AXDND1: variants seen among roughly 807,000 people sequenced by gnomAD.
The protein encoded by AXDND1 is axonemal dynein light chain domain-containing protein 1.
Under a neutral mutation model 137.5 loss-of-function variants are expected in AXDND1, and 110 were observed. That is an observed-to-expected ratio of 0.80 (90% CI 0.69 to 0.94). The LOEUF (loss-of-function observed/expected upper bound fraction) is 0.94, where lower values mean the gene tolerates loss of function less well. Ranked by LOEUF, AXDND1 falls within the 40% of genes least tolerant of loss-of-function variation. AXDND1 has a pLI of 0.00. For missense variants in AXDND1, 1,191 were observed against 1,169.8 expected, an observed-to-expected ratio of 1.02 and a Z score of -0.26; for synonymous variants, 414 against 399.7, an observed-to-expected ratio of 1.04 and a Z score of -0.43.
chr1:179,528,641 C>CTTTTT (rs34531104), intron 23 of AXDND1, among the ~76,000 whole-genome samples: 17 of 115,348 alleles, frequency 1.5e-4, no homozygotes, highest in South Asian at 9.0e-4. Flanking sequence ...CTTTAAACCT[C>CTTTTT]TTTTTTTTTT....
chr1:179,532,209 A>G (rs1282749813), intron 23 of AXDND1, among the ~76,000 whole-genome samples: 1 of 152,206 alleles, frequency 6.6e-6, no homozygotes, highest in African/African-American at 2.4e-5. Flanking sequence ...ATCAAAAGAA[A>G]GGGATGTTTT....
chr1:179,424,426 CTTTTTT>C (rs139043229), intron 12 of AXDND1, among the ~76,000 whole-genome samples: 1 of 107,800 alleles, frequency 9.3e-6, no homozygotes, highest in Admixed American at 1.0e-4. Context: ...TTTCTATTAT[CTTTTTT>C]TTTTTTTTTT....
intron 16 of AXDND1, among the ~76,000 whole-genome samples, chr1:179,467,342 T>C (rs1663341957): frequency 6.6e-6 from 1 of 152,140 alleles, no homozygotes; most frequent in Non-Finnish European, 1.5e-5. Context: ...TACTTATCCA[T>C]GTCAGCCCTC....
chr1:179,385,984 C>A (rs569800529), intron 9 of AXDND1, among the ~76,000 whole-genome samples: 31 of 151,776 alleles, frequency 2.0e-4, no homozygotes, highest in African/African-American at 7.5e-4. Flanking sequence ...AATCTGCTGC[C>A]ATCCTTGTCT....
At chr1:179,541,430 A>C (rs11807786) in intron 25 of AXDND1, among the ~76,000 whole-genome samples, 133,061 of 151,870 alleles carry the variant, frequency 0.88, 58,447 homozygotes, top group East Asian at 0.95. Flanking sequence ...CTGGGAGCTG[A>C]AGACTGGAGC....
chr1:179,368,853 C>T lies in AXDND1; in HGVS notation c.151C>T (p.Pro51Ser). 1 of 1,613,946 alleles carries T rather than the reference C, an allele frequency of 6.2e-7. No individual in the cohort carries two copies. The highest frequency in any genetic ancestry group is 8.5e-7 in the Non-Finnish European group (1 of 1,179,852). The change falls in exon 3 of 26, where the codon CCT becomes TCT. Residue 51 changes from proline to serine, a missense_variant. Pro to Ser is a moderately conservative substitution (Grantham distance 74). Coordinates refer to ENST00000367618, the MANE Select transcript of AXDND1 (RefSeq NM_144696.6). ...KNMVDRSKLL[P>S]TSLQNEFIPK... ...TATGGTGGATCGTTCAAAACTCCTT[C>T]CTACTTCCCTTCAGAATGAGTTCAT... is the stretch of plus-strand genomic sequence containing the variant.
intron 20 of AXDND1, among the ~76,000 whole-genome samples, chr1:179,504,449 G>A (rs573967551): frequency 6.6e-6 from 1 of 152,210 alleles, no homozygotes; most frequent in African/African-American, 2.4e-5. Context: ...AGTGGGTAGA[G>A]CTCTGTGTGG....
chr1:179,409,225 G>A (rs1268142151), intron 11 of AXDND1, among the ~76,000 whole-genome samples: 1 of 151,780 alleles, frequency 6.6e-6, no homozygotes, highest in Non-Finnish European at 1.5e-5. Context: ...TATTATGAAT[G>A]GGATGGCTTT....
Position 179,408,679 on chromosome 1 carries a change from T to C in AXDND1, c.1110-2467T>C, listed in dbSNP as rs115414432. On this transcript the variant is annotated intron_variant, in intron 11 of 25. Transcript: ENST00000367618. Reference sequence around the variant, plus strand: ...GGCATGAGCCACCAAACCTGGATAATTTTATGAAAAATTCTTTATAGAGAT... The same window carrying C: ...GGCATGAGCCACCAAACCTGGATAACTTTATGAAAAATTCTTTATAGAGAT... Among the ~76,000 whole-genome samples the C allele has an allele frequency of 5.4e-3, 829 of 152,228 alleles. 13 individuals are homozygous for C. Among genetic ancestry groups the C allele is most frequent in the African/African-American group, 0.019 (809 of 41,548 alleles).
chr1:179,436,144 A>G (rs899703024), intron 15 of AXDND1, among the ~76,000 whole-genome samples: 2 of 152,230 alleles, frequency 1.3e-5, no homozygotes, highest in African/African-American at 4.8e-5. Context: ...CCACAATGAG[A>G]TACATCTCAT....
intron 25 of AXDND1, 154 bp downstream of exon 25, chr1:179,535,116 C>T (rs949736496): frequency 5.9e-5 from 68 of 1,157,108 alleles, no homozygotes; most frequent in Non-Finnish European, 7.7e-5. Flanking sequence ...ATCACATAAC[C>T]ATCTTATTCG....
chr1:179,491,742 A>C lies in AXDND1; in HGVS notation c.2291+5A>C. 1 of 1,536,384 alleles carries C rather than the reference A, an allele frequency of 6.5e-7. No individual in the cohort carries two copies. The highest frequency in any genetic ancestry group is 2.1e-5 in the Admixed American group (1 of 46,652). ...ATACTCCAGCTATTTGAGCAGGTGA[A>C]GCGGTTATTTTATTGTTGCCCTTTT... On this transcript the variant is annotated splice_donor_5th_base_variant and intron_variant, in intron 19 of 25. Transcript: ENST00000367618.
In AXDND1 at chr1:179,491,748, T is replaced by A; in HGVS notation, c.2291+11T>A. 1 of 1,524,774 alleles carries A rather than the reference T, an allele frequency of 6.6e-7. No individual in the cohort carries two copies. The highest frequency in any genetic ancestry group is 8.8e-7 in the Non-Finnish European group (1 of 1,138,884). 94.5% of individuals were successfully genotyped at this position (1,524,774 alleles called of 1,614,324 possible). On this transcript the variant is annotated intron_variant, in intron 19 of 25. Coordinates refer to ENST00000367618, the MANE Select transcript of AXDND1 (RefSeq NM_144696.6). ...CAGCTATTTGAGCAGGTGAAGCGGTTATTTTATTGTTGCCCTTTTGAAGAA... is the reference window on the plus strand; with the variant it reads ...CAGCTATTTGAGCAGGTGAAGCGGTAATTTTATTGTTGCCCTTTTGAAGAA...
chr1:179,412,769 T>G lies in AXDND1; in HGVS notation c.1230+1503T>G, dbSNP rs1392855530. Among the ~76,000 whole-genome samples the G allele has an allele frequency of 2.6e-5, 4 of 152,286 alleles. No homozygotes were observed. In the East Asian group the frequency reaches 7.7e-4, roughly 29 times the overall value. On this transcript the variant is annotated intron_variant, in intron 12 of 25. Transcript: ENST00000367618. ...ACTACTTATAGGAAGCAGCAAAATC[T>G]CTTTAAAATTTTTTTTCCCACTGAT...
chr1:179,489,987 A>G (rs6425566), intron 18 of AXDND1, among the ~76,000 whole-genome samples: 83,461 of 151,872 alleles, frequency 0.55, 23,232 homozygotes, highest in East Asian at 0.76. Context: ...CTCGTGATCC[A>G]CCTGCCTCGG....
intron 16 of AXDND1, chr1:179,447,648 T>C: frequency 7.6e-7 from 1 of 1,313,034 alleles, no homozygotes; most frequent in Non-Finnish European, 1.1e-6. Context: ...CTCGAAGATC[T>C]GGTTTTCCAC....
In AXDND1 at chr1:179,525,331, C is replaced by A. The variant is rs1270188963; in HGVS notation, c.2497-3C>A. 6.2e-7 allele frequency: 1 copy of A among 1,607,892 alleles called. No individual in the cohort carries two copies. Among genetic ancestry groups the A allele is most frequent in the East Asian group, 2.2e-5 (1 of 44,718 alleles). On this transcript the variant is annotated splice_polypyrimidine_tract_variant and splice_region_variant and intron_variant, in intron 21 of 25. Transcript: ENST00000367618. ...TTAATCATAATATTGGTTCATCTCA[C>A]AGGAGGCTGTAAAAGAATTCATTGA...
chr1:179,375,319 G>T (rs1397609232), intron 4 of AXDND1, among the ~76,000 whole-genome samples: 1 of 151,844 alleles, frequency 6.6e-6, no homozygotes, highest in East Asian at 1.9e-4. Context: ...GGCTAGGCTG[G>T]TTTTGAACAC....
chr1:179,529,087 G>C (rs75070041), intron 23 of AXDND1, among the ~76,000 whole-genome samples: 1 of 152,172 alleles, frequency 6.6e-6, no homozygotes, highest in African/African-American at 2.4e-5. Context: ...CAGCAAGAAA[G>C]CAGATTTAAA....
Sources: gnomAD v4.1 joint callset for allele counts (sites outside exome capture counted in the v4.1 genomes callset) on GRCh38, gnomAD v4.1.1 for gene constraint, MANE v1.5 for transcripts, NCBI Gene and HGNC (gene_info 2026-07-23, HGNC 2026-07-21) for gene names.